Variants in PES1 observed in about 807,000 individuals in gnomAD.
PES1 encodes the protein pescadillo ribosomal biogenesis factor 1.
In PES1, 31 loss-of-function variants were observed where a neutral mutation model predicts 77.1. That is an observed-to-expected ratio of 0.40 (90% CI 0.30 to 0.54). The LOEUF (loss-of-function observed/expected upper bound fraction) is 0.54. PES1 is among the 20% of genes least tolerant of loss of function. The pLI is 0.45. For missense variants in PES1, 658 were observed against 771.7 expected, an observed-to-expected ratio of 0.85 and a Z score of 1.75; for synonymous variants, 282 against 303.0, an observed-to-expected ratio of 0.93 and a Z score of 0.72.
intron 2 of PES1, among the ~76,000 whole-genome samples, chr22:30,602,398 G>A (rs1339541877): frequency 2.7e-5 from 4 of 149,724 alleles, no homozygotes; most frequent in East Asian, 2.0e-4. Flanking sequence ...ATAAATTACC[G>A]AATTGCAGGT....
intron 6 of PES1, among the ~76,000 whole-genome samples, chr22:30,583,254 C>T (rs1027286627): frequency 1.4e-4 from 22 of 152,300 alleles, no homozygotes; most frequent in Middle Eastern, 3.4e-3. Context: ...CTGCTGAGGG[C>T]CAAGCCCGCC....
At chr22:30,595,344 C>T (rs1383034210), upstream of PES1, among the ~76,000 whole-genome samples, 2 of 151,958 alleles carry the variant, frequency 1.3e-5, no homozygotes, top group African/African-American at 4.8e-5. Context: ...TCGAGGCTAG[C>T]CTGGCCAATA....
chr22:30,605,327 C>T (rs2087421867), intron 2 of PES1: 1 of 275,220 alleles, frequency 3.6e-6, no homozygotes, highest in South Asian at 1.4e-4. Context: ...TGCTGTCTTC[C>T]TATTCCTACT....
At chr22:30,588,373 A>G (rs547403897) in intron 2 of PES1, among the ~76,000 whole-genome samples, 199 bp from the exon 3 acceptor site, 1 of 152,324 alleles carries the variant, frequency 6.6e-6, no homozygotes, top group African/African-American at 2.4e-5. Context: ...GGGAGTTAAG[A>G]AAGGCCTTTC....
chr22:30,597,793 T>C (rs1039402995), intron 2 of PES1, among the ~76,000 whole-genome samples: 3 of 151,694 alleles, frequency 2.0e-5, no homozygotes, highest in African/African-American at 7.3e-5. Context: ...CAGCAGTATG[T>C]GGGTGGGGCC....
intron 4 of PES1, among the ~76,000 whole-genome samples, chr22:30,586,587 T>G (rs1348361232): frequency 6.6e-6 from 1 of 152,158 alleles, no homozygotes; most frequent in Admixed American, 6.5e-5. Flanking sequence ...CAATAGCACG[T>G]CCATCCAAGT....
rs1291786780 is a variant in PES1, at chr22:30,581,595, T to C, written c.680A>G (p.Tyr227Cys). Residue 227 changes from tyrosine to cysteine, a missense_variant, in exon 7 of 15, where the codon TAC (tyrosine) becomes TGC (cysteine). Coordinates refer to ENST00000354694, the MANE Select transcript of PES1 (RefSeq NM_014303.4). ...YRVMATFTEF[Y>C]TTLLGFVNFR... is the part of the protein sequence containing the mutation. ...GTTGACAAAGCCCAGCAGCGTGGTGTAGAACTCGGTGAAGGTGGCCATGAC... is the reference window on the plus strand; with the variant it reads ...GTTGACAAAGCCCAGCAGCGTGGTGCAGAACTCGGTGAAGGTGGCCATGAC... 2 of 1,613,702 alleles carry C rather than the reference T, an allele frequency of 1.2e-6. No homozygotes were observed. The highest frequency in any genetic ancestry group is 1.7e-6 in the Non-Finnish European group (2 of 1,179,932).
intron 2 of PES1, among the ~76,000 whole-genome samples, chr22:30,602,485 G>A (rs1475650759): frequency 2.1e-5 from 3 of 142,744 alleles, no homozygotes; most frequent in African/African-American, 8.0e-5. Context: ...GCCTCCCAAC[G>A]TGCTGCGATT....
chr22:30,582,662 C>CT (rs2087004910), intron 6 of PES1, among the ~76,000 whole-genome samples: 3 of 152,154 alleles, frequency 2.0e-5, no homozygotes, highest in Non-Finnish European at 4.4e-5. Context: ...CGGGTGTGCC[C>CT]ATGACTCTTA....
chr22:30,601,266 G>A (rs1435552602), intron 2 of PES1, among the ~76,000 whole-genome samples: 1 of 152,068 alleles, frequency 6.6e-6, no homozygotes, highest in Non-Finnish European at 1.5e-5. Context: ...AACACAATCT[G>A]ACACATCCTC....
At chr22:30,577,996 A>G (rs1039702006) in intron 14 of PES1, among the ~76,000 whole-genome samples, 5 of 152,122 alleles carry the variant, frequency 3.3e-5, no homozygotes, top group Non-Finnish European at 7.4e-5. Flanking sequence ...GAAAATTACA[A>G]CTCAGGCTGG....
intron 1 of PES1, among the ~76,000 whole-genome samples, chr22:30,606,306 C>CTGT (rs1375023568): frequency 3.3e-5 from 5 of 152,292 alleles, no homozygotes; most frequent in Admixed American, 2.6e-4. Flanking sequence ...TCTTGGCTCA[C>CTGT]TGTAGCCTCC....
chr22:30,600,747 A>G (rs2087341878), intron 2 of PES1, among the ~76,000 whole-genome samples: 1 of 152,144 alleles, frequency 6.6e-6, no homozygotes, highest in Non-Finnish European at 1.5e-5. Context: ...ACCCGGAGGC[A>G]GAGCTTGCAG....
chr22:30,597,975 C>T (rs555707356), intron 2 of PES1, among the ~76,000 whole-genome samples: 147 of 149,572 alleles, frequency 9.8e-4, no homozygotes, highest in African/African-American at 3.5e-3. Flanking sequence ...GCTCCGCTTC[C>T]CGGGTTCACG....
At chr22:30,592,155 G>A (rs1223320148), upstream of PES1, 3 of 1,148,726 alleles carry the variant, frequency 2.6e-6, no homozygotes, top group Admixed American at 4.8e-5. Flanking sequence ...CATTGACTGT[G>A]AGCCTCGTTG....
chr22:30,585,225 A>G (rs1031331672), intron 4 of PES1: 2 of 470,746 alleles, frequency 4.2e-6, no homozygotes, highest in African/African-American at 4.0e-5. Context: ...CATGCCTCTC[A>G]TCCCTTGGAC....
intron 6 of PES1, among the ~76,000 whole-genome samples, chr22:30,582,109 C>T (rs1034132278): frequency 6.6e-6 from 1 of 152,238 alleles, no homozygotes; most frequent in African/African-American, 2.4e-5. Context: ...GCTGGGCTAG[C>T]GTGTGAGCAC....
upstream of PES1, chr22:30,592,212 CT>C (rs2087192851): frequency 9.6e-7 from 1 of 1,039,304 alleles, no homozygotes; most frequent in Non-Finnish European, 1.2e-6. Flanking sequence ...AGCGCGGTGC[CT>C]TCTGGGATGC....
intron 2 of PES1, among the ~76,000 whole-genome samples, chr22:30,599,110 G>A (rs1017160601): frequency 6.6e-6 from 1 of 151,728 alleles, no homozygotes; most frequent in Non-Finnish European, 1.5e-5. Context: ...ATGTTGGCCA[G>A]GCTGGGCTCA....
Sources: allele counts gnomAD v4.1 joint callset (sites outside exome capture counted in the v4.1 genomes callset), GRCh38; gene constraint gnomAD v4.1.1; transcripts MANE v1.5; gene names NCBI Gene and HGNC (gene_info 2026-07-23, HGNC 2026-07-21).